FAF1: variants seen among roughly 807,000 people sequenced by gnomAD.
FAF1 encodes the protein Fas associated factor 1, also known as FAS-associated factor 1.
In FAF1, 25 loss-of-function variants were observed where a neutral mutation model predicts 92.5. That is an observed-to-expected ratio of 0.27 (90% confidence interval 0.20 to 0.38). The LOEUF is 0.38. FAF1 is among the 10% of genes least tolerant of loss of function. FAF1 has a pLI of 1.00. For missense variants in FAF1, 636 were observed against 793.3 expected, an observed-to-expected ratio of 0.80 and a Z score of 2.38; for synonymous variants, 234 against 273.2, an observed-to-expected ratio of 0.86 and a Z score of 1.42.
At chr1:50,956,073 T>C (rs996208207) in intron 1 of FAF1, among the ~76,000 whole-genome samples, 5 of 152,182 alleles carry the variant, frequency 3.3e-5, no homozygotes, top group South Asian at 2.1e-4. Context: ...ATGGCAGTGA[T>C]AGTAACAAAG....
At chr1:50,457,632 A>C (rs1646369847) in intron 18 of FAF1, among the ~76,000 whole-genome samples, 1 of 150,882 alleles carries the variant, frequency 6.6e-6, no homozygotes, top group African/African-American at 2.5e-5. Flanking sequence ...TCATGCCTGT[A>C]ATCCCAGCAC....
At chr1:50,619,779 A>AT (rs1391741491) in intron 8 of FAF1, among the ~76,000 whole-genome samples, 1 of 152,130 alleles carries the variant, frequency 6.6e-6, no homozygotes, top group Admixed American at 6.6e-5. Context: ...CTGGATTTGC[A>AT]TATCAATTTT....
At chr1:50,803,529 G>C (rs1557535406) in intron 2 of FAF1, among the ~76,000 whole-genome samples, 1 of 152,020 alleles carries the variant, frequency 6.6e-6, no homozygotes, top group East Asian at 1.9e-4. Context: ...TTTCTCAAAG[G>C]CCTGTCTGGC....
At chr1:50,956,730 C>A (rs538432520) in intron 1 of FAF1, among the ~76,000 whole-genome samples, 8 of 152,306 alleles carry the variant, frequency 5.3e-5, no homozygotes, top group African/African-American at 1.9e-4. Context: ...AGGTGGATCA[C>A]CTGAGGTCGG....
chr1:50,631,944 C>A (rs1000916393), intron 8 of FAF1, among the ~76,000 whole-genome samples: 3 of 152,122 alleles, frequency 2.0e-5, no homozygotes, highest in Admixed American at 1.3e-4. Context: ...ATTATTGTTG[C>A]AAATTTCTTA....
chr1:50,800,079 C>A lies in FAF1; in HGVS notation c.161+1552G>T, dbSNP rs558741976. On this transcript the variant is annotated intron_variant, in intron 3 of 18. Transcript: ENST00000396153. ...AGCAAACAAAACCAACAAAATCCTA[C>A]TCTGATCACAGTTCAACCCCAAATA... 2.6e-5 allele frequency among the ~76,000 whole-genome samples: 4 copies of A among 152,276 alleles called. No homozygotes were observed. The South Asian group carries it at 8.3e-4, about 32-fold the overall frequency.
chr1:50,595,752 A>G (rs187036184), intron 9 of FAF1, among the ~76,000 whole-genome samples: 6 of 152,214 alleles, frequency 3.9e-5, no homozygotes, highest in Non-Finnish European at 7.4e-5. Context: ...TATGTTGGCC[A>G]GGCTGGTCTC....
intron 2 of FAF1, among the ~76,000 whole-genome samples, chr1:50,828,647 C>T (rs1197162594): frequency 1.3e-5 from 2 of 152,052 alleles, no homozygotes; most frequent in Non-Finnish European, 2.9e-5. Context: ...CTCTCTTATA[C>T]CAACACAAAA....
chr1:50,671,353 C>G (rs1336240265), intron 7 of FAF1, among the ~76,000 whole-genome samples: 1 of 149,720 alleles, frequency 6.7e-6, no homozygotes, highest in East Asian at 2.0e-4. Context: ...TACAGTGAAA[C>G]AAGATCATGC....
chr1:50,735,331 T>C (rs1202520596), intron 6 of FAF1, among the ~76,000 whole-genome samples: 1 of 152,226 alleles, frequency 6.6e-6, no homozygotes, highest in Non-Finnish European at 1.5e-5. Context: ...ATCTGATTTC[T>C]TTTTTAAAAG....
chr1:50,754,556 T>C (rs932730991), intron 4 of FAF1, among the ~76,000 whole-genome samples: 1 of 152,200 alleles, frequency 6.6e-6, no homozygotes, highest in African/African-American at 2.4e-5. Flanking sequence ...AATGGACTTT[T>C]CCTACTTCTT....
intron 8 of FAF1, among the ~76,000 whole-genome samples, chr1:50,649,105 G>C (rs762235796): frequency 6.6e-6 from 1 of 151,242 alleles, no homozygotes; most frequent in South Asian, 2.1e-4. Flanking sequence ...CTATTTAAGA[G>C]TGGGGTGGGG....
intron 7 of FAF1, among the ~76,000 whole-genome samples, chr1:50,701,816 C>A (rs1657486306): frequency 6.6e-6 from 1 of 152,060 alleles, no homozygotes; most frequent in Non-Finnish European, 1.5e-5. Flanking sequence ...TTTTACTACT[C>A]CCTGCAAGAT....
intron 7 of FAF1, among the ~76,000 whole-genome samples, chr1:50,678,298 G>GT (rs967268005): frequency 6.6e-6 from 1 of 152,196 alleles, no homozygotes; most frequent in African/African-American, 2.4e-5. Flanking sequence ...GGGGGTGGGA[G>GT]TAGTTAAAGC....
intron 18 of FAF1, among the ~76,000 whole-genome samples, chr1:50,463,882 A>G (rs1389186961): frequency 6.6e-6 from 1 of 152,210 alleles, no homozygotes; most frequent in African/African-American, 2.4e-5. Context: ...AAGTCACTCA[A>G]AACTTCTTGG....
At chr1:50,595,004 C>T (rs1299276341) in intron 9 of FAF1, among the ~76,000 whole-genome samples, 2 of 151,786 alleles carry the variant, frequency 1.3e-5, no homozygotes, top group African/African-American at 4.8e-5. Context: ...CTGTGTGCAA[C>T]ACTATCACTG....
At chr1:50,516,498 C>T (rs200268865) in intron 15 of FAF1, among the ~76,000 whole-genome samples, 7 of 152,204 alleles carry the variant, frequency 4.6e-5, no homozygotes, top group African/African-American at 1.2e-4. Context: ...TTTCTTGGAC[C>T]GAAATACCAA....
At chr1:50,697,546 T>C (rs1657286168) in intron 7 of FAF1, among the ~76,000 whole-genome samples, 1 of 152,166 alleles carries the variant, frequency 6.6e-6, no homozygotes, top group Non-Finnish European at 1.5e-5. Context: ...TGGGAGCAAC[T>C]TAAAACAAAT....
At chr1:50,494,191 CTT>C (rs1646873052) in intron 15 of FAF1, among the ~76,000 whole-genome samples, 1 of 152,204 alleles carries the variant, frequency 6.6e-6, no homozygotes, top group Non-Finnish European at 1.5e-5. Flanking sequence ...AGATTTTATA[CTT>C]GCCTCTCCAA....
Sources: allele counts gnomAD v4.1 joint callset (sites outside exome capture counted in the v4.1 genomes callset), GRCh38; gene constraint gnomAD v4.1.1; transcripts MANE v1.5; gene names NCBI Gene and HGNC (gene_info 2026-07-23, HGNC 2026-07-21).